Variants in SYT1 observed in about 807,000 individuals in gnomAD.
SYT1 encodes synaptotagmin 1, also known as synaptotagmin-1.
Under a neutral mutation model 44.8 loss-of-function variants are expected in SYT1, and 8 were observed. The ratio of observed to expected loss-of-function variants is 0.18; its 90% confidence interval spans 0.10 to 0.32. The LOEUF (loss-of-function observed/expected upper bound fraction) is 0.32. Ranked by LOEUF, SYT1 falls within the 10% of genes least tolerant of loss-of-function variation. The probability of loss-of-function intolerance (pLI) is 1.00; values close to 1 mark genes in which losing one functional copy is unlikely to be tolerated. For synonymous variants in SYT1, 154 were observed against 188.8 expected, an observed-to-expected ratio of 0.82 and a Z score of 1.51; for missense variants, 286 against 509.3, an observed-to-expected ratio of 0.56 and a Z score of 4.22.
chr12:79,293,797 G>A (rs1229404371), intron 6 of SYT1, among the ~76,000 whole-genome samples: 1 of 152,114 alleles, frequency 6.6e-6, no homozygotes, highest in Non-Finnish European at 1.5e-5. Context: ...CTTCATTATA[G>A]CCCTGGCTAG....
intron 9 of SYT1, among the ~76,000 whole-genome samples, chr12:79,373,584 T>G (rs1402823318): frequency 6.6e-6 from 1 of 152,178 alleles, no homozygotes; most frequent in African/African-American, 2.4e-5. Context: ...CAACACTTAG[T>G]TTTATAGATG....
chr12:79,062,899 G>A (rs1054215359), intron 3 of SYT1, among the ~76,000 whole-genome samples: 1 of 152,086 alleles, frequency 6.6e-6, no homozygotes, highest in Non-Finnish European at 1.5e-5. Flanking sequence ...ACTCTGTAAG[G>A]TAGGTATCAT....
chr12:79,409,712 C>T (rs1360390423), intron 9 of SYT1, among the ~76,000 whole-genome samples: 1 of 151,912 alleles, frequency 6.6e-6, no homozygotes, highest in Non-Finnish European at 1.5e-5. Flanking sequence ...ATAGACATTC[C>T]CTGTTGATTA....
At chr12:79,040,977 A>T in intron 2 of SYT1, among the ~76,000 whole-genome samples, 1 of 151,582 alleles carries the variant, frequency 6.6e-6, no homozygotes. Flanking sequence ...TGTTCCATTG[A>T]TCTATATCTC....
intron 9 of SYT1, among the ~76,000 whole-genome samples, chr12:79,377,800 G>A (rs1884060395): frequency 6.6e-6 from 1 of 152,200 alleles, no homozygotes; most frequent in Non-Finnish European, 1.5e-5. Context: ...GGTCTAGGGA[G>A]AATCCAGGTT....
At chr12:79,111,618 A>T (rs1440756265) in intron 3 of SYT1, among the ~76,000 whole-genome samples, 1 of 152,062 alleles carries the variant, frequency 6.6e-6, no homozygotes, top group East Asian at 1.9e-4. Context: ...ACAGTTTGCA[A>T]CGCATTTTCT....
At chr12:78,992,982 T>C (rs1057011148) in intron 2 of SYT1, among the ~76,000 whole-genome samples, 1 of 152,222 alleles carries the variant, frequency 6.6e-6, no homozygotes, top group Non-Finnish European at 1.5e-5. Flanking sequence ...AAATTCTCTA[T>C]ATGTTTCCTC....
chr12:79,061,957 C>T (rs867360413), intron 3 of SYT1, among the ~76,000 whole-genome samples: 5 of 151,914 alleles, frequency 3.3e-5, no homozygotes, highest in South Asian at 4.1e-4. Flanking sequence ...ATAGAACAAG[C>T]GAAGGAGAAG....
At chr12:78,981,432 C>T (rs7960556) in intron 2 of SYT1, among the ~76,000 whole-genome samples, 12,699 of 152,064 alleles carry the variant, frequency 0.084, 654 homozygotes, top group African/African-American at 0.14. Flanking sequence ...AGCCTTAATT[C>T]TTTTAAAATG....
At chr12:79,008,923 GATTCAAGAACA>G (rs1408699905) in intron 2 of SYT1, among the ~76,000 whole-genome samples, 3 of 152,100 alleles carry the variant, frequency 2.0e-5, no homozygotes, top group African/African-American at 7.2e-5. Flanking sequence ...AAGAAAATAT[GATTCAAGAACA>G]ATTTTCTTCT....
intron 8 of SYT1, among the ~76,000 whole-genome samples, chr12:79,332,079 C>T (rs527905912): frequency 6.6e-6 from 1 of 152,096 alleles, no homozygotes; most frequent in East Asian, 1.9e-4. Context: ...AGTCATTTCT[C>T]ACAAAAATCT....
chr12:79,249,056 T>A (rs1212192450), intron 4 of SYT1, among the ~76,000 whole-genome samples: 1 of 148,586 alleles, frequency 6.7e-6, no homozygotes, highest in African/African-American at 2.4e-5. Context: ...GCAACCACTA[T>A]GCAAATTATT....
At chr12:79,089,338 C>G (rs1172038251) in intron 3 of SYT1, among the ~76,000 whole-genome samples, 1 of 151,978 alleles carries the variant, frequency 6.6e-6, no homozygotes, top group East Asian at 1.9e-4. Context: ...AGCTAAGTCT[C>G]TTAGCATTCA....
intron 2 of SYT1, among the ~76,000 whole-genome samples, chr12:79,033,673 A>G (rs1489755266): frequency 1.3e-5 from 2 of 151,446 alleles, no homozygotes; most frequent in East Asian, 1.9e-4. Context: ...ACTTCCGAAC[A>G]TCTAAATCTA....
At chr12:79,281,318 T>C (rs571109349) in intron 4 of SYT1, among the ~76,000 whole-genome samples, 4 of 152,164 alleles carry the variant, frequency 2.6e-5, no homozygotes, top group Admixed American at 1.3e-4. Context: ...TAGATAGATA[T>C]AGATAGATAG....
In SYT1 at chr12:78,984,673, A is replaced by G. The variant is rs1389150470; in HGVS notation, c.-84+6742A>G. Among the ~76,000 whole-genome samples the G allele has an allele frequency of 3.3e-5, 5 of 151,998 alleles. No individual in the cohort carries two copies. In the East Asian group the frequency reaches 9.6e-4, roughly 29 times the overall value. On this transcript the variant is annotated intron_variant, in intron 2 of 10. Transcript: ENST00000261205. The stretch of plus-strand genomic sequence containing the variant: ...ATAAATGTTTATATTCATGGAAGAA[A>G]CACACATAAAGATGAATTATAATTT...
At chr12:79,021,582 TA>T (rs770133070) in intron 2 of SYT1, among the ~76,000 whole-genome samples, 16 of 151,782 alleles carry the variant, frequency 1.1e-4, no homozygotes, top group Middle Eastern at 6.8e-3. Flanking sequence ...AAAATAATTA[TA>T]AAAAAAGAAC....
intron 1 of SYT1, among the ~76,000 whole-genome samples, chr12:78,959,920 T>C (rs2137332857): frequency 6.6e-6 from 1 of 152,282 alleles, no homozygotes; most frequent in Non-Finnish European, 1.5e-5. Context: ...GAGTTTGAAC[T>C]GCAGGTATCA....
chr12:79,401,046 G>A (rs7296802), intron 9 of SYT1, among the ~76,000 whole-genome samples: 28,575 of 152,022 alleles, frequency 0.19, 3,146 homozygotes, highest in East Asian at 0.49. Context: ...TGGGTCTATG[G>A]CCCATCTGTA....
Sources: allele counts gnomAD v4.1 joint callset (sites outside exome capture counted in the v4.1 genomes callset), GRCh38; gene constraint gnomAD v4.1.1; transcripts MANE v1.5; gene names NCBI Gene and HGNC (gene_info 2026-07-23, HGNC 2026-07-21).